SHISA9: variants seen among roughly 807,000 people sequenced by gnomAD.
SHISA9 encodes protein shisa-9.
SHISA9 carries 13 observed loss-of-function variants against 38.0 expected under a neutral mutation model. The observed-to-expected ratio is 0.34, with a 90% CI of 0.22 to 0.54. The LOEUF (loss-of-function observed/expected upper bound fraction) is 0.54. SHISA9 is among the 20% of genes least tolerant of loss of function. The pLI is 0.91. For missense variants in SHISA9, 538 were observed against 575.8 expected (o/e 0.93, Z 0.67); for synonymous variants, 275 against 242.0 (o/e 1.14, Z -1.27).
the SHISA9 span, among the ~76,000 whole-genome samples, chr16:13,542,226 C>A: frequency 7.2e-5 from 11 of 152,256 alleles, no homozygotes; most frequent in African/African-American, 2.6e-4. Context: ...CTTCTGGCCT[C>A]CAGAACCATG....
chr16:13,456,468 G>C, the SHISA9 span, among the ~76,000 whole-genome samples: 8 of 152,242 alleles, frequency 5.3e-5, no homozygotes, highest in African/African-American at 1.9e-4. Flanking sequence ...CGTTCACTGG[G>C]GCAATTCTGG....
At chr16:13,102,228 A>G (rs2073885535) in intron 2 of SHISA9, among the ~76,000 whole-genome samples, 1 of 152,166 alleles carries the variant, frequency 6.6e-6, no homozygotes, top group African/African-American at 2.4e-5. Flanking sequence ...CTCTCTGATC[A>G]ATGATCAGTT....
the SHISA9 span, among the ~76,000 whole-genome samples, chr16:13,511,678 G>T: frequency 2.0e-5 from 3 of 152,064 alleles, no homozygotes; most frequent in African/African-American, 7.2e-5. Flanking sequence ...AGGGAGGGGG[G>T]ATTCAGGCAA....
intron 2 of SHISA9, among the ~76,000 whole-genome samples, chr16:12,951,574 G>GA (rs201232769): frequency 2.3e-4 from 35 of 152,028 alleles, no homozygotes; most frequent in Admixed American, 2.0e-3. Context: ...CTCTGCTGTA[G>GA]AAAAAAAATC....
At chr16:13,062,280 T>C (rs1373237052) in intron 2 of SHISA9, among the ~76,000 whole-genome samples, 2 of 152,126 alleles carry the variant, frequency 1.3e-5, no homozygotes, top group African/African-American at 4.8e-5. Flanking sequence ...CTGGCTGTAG[T>C]GATCACCTGA....
rs557300638 is a variant in SHISA9 at position 12,903,801 on chromosome 16, TGTGTGTGTGCGCGC to T, written c.563+1182_563+1195del. ...TTCCGCGCCCCCTCTGCCGGGGGCC[TGTGTGTGTGCGCGC>T]GTGTGTGCACGCGCTCCGTGTGATG... is the stretch of plus-strand genomic sequence containing the variant. On this transcript the variant is annotated intron_variant, in intron 1 of 4. Coordinates refer to ENST00000558583, the MANE Select transcript of SHISA9 (RefSeq NM_001145204.3). 1.2e-3 allele frequency among the ~76,000 whole-genome samples: 177 copies of T among 152,270 alleles called. 5 individuals are homozygous for T. In the South Asian group the frequency reaches 0.036, roughly 31 times the overall value.
chr16:13,362,214 C>CAAA, the SHISA9 span, among the ~76,000 whole-genome samples: 335 of 127,470 alleles, frequency 2.6e-3, 5 homozygotes, highest in African/African-American at 7.5e-3. Context: ...GAACGACAGC[C>CAAA]AAAAAAAAAA....
intron 2 of SHISA9, among the ~76,000 whole-genome samples, chr16:13,124,041 A>C (rs548926882): frequency 6.6e-6 from 1 of 152,304 alleles, no homozygotes; most frequent in East Asian, 1.9e-4. Flanking sequence ...CCTGTGAGGA[A>C]AGTCCTAACC....
At chr16:13,182,692 A>G (rs1265954709) in intron 2 of SHISA9, among the ~76,000 whole-genome samples, 1 of 152,236 alleles carries the variant, frequency 6.6e-6, no homozygotes, top group Non-Finnish European at 1.5e-5. Flanking sequence ...TTAATAAGCA[A>G]TGGACACAGA....
chr16:12,916,957 T>G, intron 2 of SHISA9, 142 bp downstream of exon 2: 1 of 998,640 alleles, frequency 1.0e-6, no homozygotes, highest in South Asian at 1.9e-5. Flanking sequence ...GTCTTTTGGA[T>G]GAAGCTGAAT....
chr16:13,473,012 T>C, the SHISA9 span, among the ~76,000 whole-genome samples: 1 of 152,226 alleles, frequency 6.6e-6, no homozygotes. Context: ...TGGGTCATAT[T>C]TTTCTGCTTC....
chr16:13,246,980 A>G, the SHISA9 span, among the ~76,000 whole-genome samples: 1 of 149,504 alleles, frequency 6.7e-6, no homozygotes, highest in Middle Eastern at 3.6e-3. Context: ...TAGTAAATAT[A>G]TAGTATTTAT....
At chr16:13,376,685 G>T in the SHISA9 span, among the ~76,000 whole-genome samples, 2 of 152,068 alleles carry the variant, frequency 1.3e-5, no homozygotes, top group Admixed American at 6.6e-5. Context: ...AAATTATAGG[G>T]TGTTTATTTT....
At chr16:13,377,378 C>G in the SHISA9 span, among the ~76,000 whole-genome samples, 1 of 152,160 alleles carries the variant, frequency 6.6e-6, no homozygotes, top group Non-Finnish European at 1.5e-5. Context: ...TTTCCAGATG[C>G]CAATCATTCA....
At chr16:13,254,531 C>T in the SHISA9 span, among the ~76,000 whole-genome samples, 1 of 152,034 alleles carries the variant, frequency 6.6e-6, no homozygotes, top group Non-Finnish European at 1.5e-5. Context: ...TAATAGCAGA[C>T]TTGAGAATAG....
the SHISA9 span, among the ~76,000 whole-genome samples, chr16:13,364,833 T>C: frequency 6.6e-6 from 1 of 152,208 alleles, no homozygotes; most frequent in African/African-American, 2.4e-5. Flanking sequence ...TATTTGAGCA[T>C]GTTGCTGGTA....
the SHISA9 span, among the ~76,000 whole-genome samples, chr16:13,357,825 G>C: frequency 6.6e-6 from 1 of 151,486 alleles, no homozygotes; most frequent in African/African-American, 2.4e-5. Context: ...GTGCTCAGTG[G>C]GGGTGCTTTT....
the SHISA9 span, among the ~76,000 whole-genome samples, chr16:13,253,684 T>C: frequency 6.6e-6 from 1 of 152,092 alleles, no homozygotes; most frequent in African/African-American, 2.4e-5. Flanking sequence ...ACAAGATCCC[T>C]CCCACAACAC....
At chr16:13,243,435 A>G (rs1198623391), downstream of SHISA9, among the ~76,000 whole-genome samples, 1 of 152,060 alleles carries the variant, frequency 6.6e-6, no homozygotes, top group African/African-American at 2.4e-5. Flanking sequence ...AGGCAGGACA[A>G]CTCAAAGTGG....
Sources: allele counts gnomAD v4.1 joint callset (sites outside exome capture counted in the v4.1 genomes callset), GRCh38; gene constraint gnomAD v4.1.1; transcripts MANE v1.5; gene names NCBI Gene and HGNC (gene_info 2026-07-23, HGNC 2026-07-21).